GRK5: variants seen among roughly 807,000 people sequenced by gnomAD.
GRK5 encodes G protein-coupled receptor kinase 5, also known as g protein-coupled receptor kinase GRK5.
Under a neutral mutation model 78.4 loss-of-function variants are expected in GRK5, and 40 were observed. That is an observed-to-expected ratio of 0.51 (90% confidence interval 0.40 to 0.66). The LOEUF is 0.66. GRK5 is among the 30% of genes least tolerant of loss of function. GRK5 has a pLI of 0.00. For missense variants in GRK5, 598 were observed against 759.9 expected (o/e 0.79, Z 2.50); for synonymous variants, 289 against 296.8 (o/e 0.97, Z 0.27).
At chr10:119,210,727 G>A (rs368196724) in intron 1 of GRK5, among the ~76,000 whole-genome samples, 177 of 152,296 alleles carry the variant, frequency 1.2e-3, no homozygotes, top group African/African-American at 3.9e-3. Flanking sequence ...AAAATACACC[G>A]TAAGCAATTT....
intron 1 of GRK5, among the ~76,000 whole-genome samples, chr10:119,302,323 G>C (rs910204462): frequency 6.6e-6 from 1 of 152,206 alleles, no homozygotes; most frequent in African/African-American, 2.4e-5. Flanking sequence ...GCTTGAAACA[G>C]GGTTACATCC....
At chr10:119,440,776 C>T (rs1853016916) in intron 10 of GRK5, among the ~76,000 whole-genome samples, 2 of 152,270 alleles carry the variant, frequency 1.3e-5, no homozygotes, top group South Asian at 2.1e-4. Context: ...GTCTCAGACT[C>T]CTGACCTCAA....
intron 1 of GRK5, among the ~76,000 whole-genome samples, chr10:119,311,787 C>CA (rs532805848): frequency 0.25 from 34,244 of 136,316 alleles, 4,976 homozygotes; most frequent in East Asian, 0.67. Context: ...AGACTGTCTC[C>CA]AAAAAAAAAA....
intron 1 of GRK5, among the ~76,000 whole-genome samples, chr10:119,224,007 A>G (rs895717063): frequency 6.6e-6 from 1 of 152,082 alleles, no homozygotes; most frequent in African/African-American, 2.4e-5. Context: ...CTAAAAGCAG[A>G]ACCCCAAGTC....
intron 1 of GRK5, among the ~76,000 whole-genome samples, chr10:119,251,103 CT>C (rs58446179): frequency 0.1 from 15,103 of 148,772 alleles, 865 homozygotes; most frequent in Admixed American, 0.15. Context: ...CCTCCCCTCA[CT>C]TTTTTTTTTT....
intron 2 of GRK5, among the ~76,000 whole-genome samples, chr10:119,368,238 A>G (rs1851483463): frequency 6.6e-6 from 1 of 152,236 alleles, no homozygotes; most frequent in African/African-American, 2.4e-5. Flanking sequence ...GAGCGGAAGT[A>G]AAGACTCCCA....
intron 1 of GRK5, among the ~76,000 whole-genome samples, chr10:119,275,398 TGC>T (rs1454160827): frequency 1.3e-5 from 2 of 152,198 alleles, no homozygotes; most frequent in African/African-American, 2.4e-5. Context: ...AAGCCTCAGG[TGC>T]TGTTATCACT....
chr10:119,256,582 C>G (rs1849289927), intron 1 of GRK5, among the ~76,000 whole-genome samples: 1 of 151,822 alleles, frequency 6.6e-6, no homozygotes, highest in African/African-American at 2.4e-5. Flanking sequence ...GGCCACAGCA[C>G]CCCACCCCTC....
intron 2 of GRK5, among the ~76,000 whole-genome samples, chr10:119,377,457 G>T (rs1221177141): frequency 2.0e-5 from 3 of 152,188 alleles, no homozygotes; most frequent in Non-Finnish European, 2.9e-5. Context: ...GTTTTTGTGT[G>T]TGTGCTTGCT....
chr10:119,423,334 C>T (rs1386441278), intron 5 of GRK5, 68 bp downstream of exon 5: 9 of 1,084,912 alleles, frequency 8.3e-6, no homozygotes, highest in Non-Finnish European at 1.3e-5. Flanking sequence ...CAGCTCTCCA[C>T]CTGACCATAC....
intron 6 of GRK5, among the ~76,000 whole-genome samples, chr10:119,426,714 A>G (rs1314902413): frequency 6.6e-6 from 1 of 151,914 alleles, no homozygotes; most frequent in Non-Finnish European, 1.5e-5. Flanking sequence ...CACTGCATCA[A>G]TATCCCACCG....
At chr10:119,411,956 T>A (rs1031435667) in intron 4 of GRK5, among the ~76,000 whole-genome samples, 2 of 147,374 alleles carry the variant, frequency 1.4e-5, no homozygotes, top group African/African-American at 5.0e-5. Context: ...AGTCAAGCAA[T>A]CCTCTCGCCT....
At chr10:119,442,241 C>T (rs541330367) in intron 11 of GRK5, among the ~76,000 whole-genome samples, 153 bp downstream of exon 11, 3 of 152,320 alleles carry the variant, frequency 2.0e-5, no homozygotes, top group East Asian at 1.9e-4. Context: ...TGCTGGGGGG[C>T]GGCCTTAGCC....
intron 1 of GRK5, among the ~76,000 whole-genome samples, chr10:119,312,577 C>T (rs1850377833): frequency 6.6e-6 from 1 of 152,202 alleles, no homozygotes; most frequent in Admixed American, 6.5e-5. Context: ...AAAAAATCCT[C>T]AGGCAGGAAC....
intron 1 of GRK5, among the ~76,000 whole-genome samples, chr10:119,212,657 A>G (rs1412806480): frequency 6.6e-6 from 1 of 152,226 alleles, no homozygotes; most frequent in East Asian, 1.9e-4. Flanking sequence ...ATAAAGCATT[A>G]TAATGTCTAG....
chr10:119,230,698 TGTG>T (rs1795452713), intron 1 of GRK5, among the ~76,000 whole-genome samples: 3 of 151,594 alleles, frequency 2.0e-5, no homozygotes, highest in African/African-American at 7.3e-5. Flanking sequence ...ATTAGCCAGG[TGTG>T]GTGGTGTGCA....
intron 1 of GRK5, among the ~76,000 whole-genome samples, chr10:119,306,530 A>G (rs1663897043): frequency 6.6e-6 from 1 of 152,046 alleles, no homozygotes; most frequent in Admixed American, 6.5e-5. Flanking sequence ...ATGTGTCCAA[A>G]CCCACACTGA....
chr10:119,230,536 A>G (rs1848808945), intron 1 of GRK5, among the ~76,000 whole-genome samples: 1 of 151,992 alleles, frequency 6.6e-6, no homozygotes, highest in Admixed American at 6.6e-5. Flanking sequence ...ATCTCATGAG[A>G]CTTACTCACT....
In GRK5 at chr10:119,380,809, C is replaced by A; in HGVS notation, c.149-6C>A. On this transcript the variant is annotated splice_polypyrimidine_tract_variant and splice_region_variant and intron_variant, in intron 2 of 15. Coordinates refer to ENST00000392870, the MANE Select transcript of GRK5 (RefSeq NM_005308.3). ...TCTCATCACATTCTTCTTTTCTTGT[C>A]TCCAGACAGAGATTACTGCAGTTTA... 6.3e-7 allele frequency: 1 copy of A among 1,583,482 alleles called. No homozygotes were observed. The highest frequency in any genetic ancestry group is 8.7e-7 in the Non-Finnish European group (1 of 1,153,132).
Sources: gnomAD v4.1 joint callset for allele counts (sites outside exome capture counted in the v4.1 genomes callset) on GRCh38, gnomAD v4.1.1 for gene constraint, MANE v1.5 for transcripts, NCBI Gene and HGNC (gene_info 2026-07-23, HGNC 2026-07-21) for gene names.